The following MRPS30 variants were observed in gnomAD, a reference collection of about 807,000 sequenced individuals.
MRPS30 encodes the protein mitochondrial ribosomal protein S30.
A neutral mutation model predicts 43.8 loss-of-function variants in MRPS30; 42 were observed. That is an observed-to-expected ratio of 0.96 (90% CI 0.75 to 1.24). The LOEUF is 1.24. MRPS30 is among the 50% of genes most tolerant of loss of function. The pLI, the probability that MRPS30 is intolerant of heterozygous loss-of-function variation, is 0.00. For missense variants in MRPS30, 638 were observed against 570.0 expected, an observed-to-expected ratio of 1.12 and a Z score of -1.22; for synonymous variants, 273 against 228.2, an observed-to-expected ratio of 1.20 and a Z score of -1.77.
In MRPS30 at chr5:44,815,095, A is replaced by G. The variant is rs770785937; in HGVS notation, c.1213A>G (p.Ile405Val). 10 of 1,612,786 alleles carry G rather than the reference A, an allele frequency of 6.2e-6. No homozygotes were observed. The highest frequency in any genetic ancestry group is 2.7e-5 in the African/African-American group (2 of 75,066). Reference protein sequence around the residue: ...GTQSKPLYETIEDNDVKGFND... With the variant: ...GTQSKPLYETVEDNDVKGFND... ...ACAAAGTAAGCCTCTTTATGAAACA[A>G]TTGAGGATAATGATGTGAAAGGTTT... Residue 405 changes from isoleucine to valine, a missense_variant, in exon 5 of 5, where the codon ATT becomes GTT. Ile to Val is a conservative substitution (Grantham distance 29). Coordinates refer to ENST00000507110, the MANE Select transcript of MRPS30 (RefSeq NM_016640.4).
rs1011641431 is a variant in MRPS30, at chr5:44,814,952, C to T, written c.1070C>T (p.Ser357Phe). 3.7e-6 allele frequency: 6 copies of T among 1,613,318 alleles called. No homozygotes were observed. In the African/African-American group the frequency reaches 8.0e-5, roughly 22 times the overall value. The change falls in exon 5 of 5, where the codon TCC (serine) becomes TTC (phenylalanine). Residue 357 changes from serine to phenylalanine, a missense_variant. Coordinates refer to ENST00000507110, the MANE Select transcript of MRPS30 (RefSeq NM_016640.4). ...SEADVTRPFVSQAVITDGKYF... is the reference protein window; with the variant it reads ...SEADVTRPFVFQAVITDGKYF... ...GCAGATGTTACTCGACCTTTTGTCT[C>T]CCAGGCTGTGATCACAGATGGAAAA...
Position 44,810,991 on chromosome 5 carries a change from T to G in MRPS30, c.602-18T>G. ...TTAGATGATCAGATGAAAAAAATTT[T>G]GAATATCTTTTTGATAGATTATAGA... On this transcript the variant is annotated intron_variant, in intron 1 of 4. Transcript: ENST00000507110. 1 of 1,608,366 alleles carries G rather than the reference T, an allele frequency of 6.2e-7. No homozygotes were observed. The highest frequency in any genetic ancestry group is 1.1e-5 in the South Asian group (1 of 90,408).
In MRPS30 at chr5:44,810,125, T is replaced by C. The variant is rs1297822644; in HGVS notation, c.601+562T>C. 6 of 126,774 alleles carry C rather than the reference T, an allele frequency of 4.7e-5. No individual in the cohort carries two copies. The Admixed American group carries it at 4.8e-4, about 10-fold the overall frequency. The allele number at this position is 126,774 out of a possible 1,614,324, so 7.9% of individuals were successfully genotyped here. A position where few individuals can be genotyped will look rare whatever the true frequency, so the allele number is the denominator to read the frequency against. ...ATACCTAACGTTTACTCAGTATTTATGTGCTAGGCCCTGGTTCTAAATTTT... is the reference window on the plus strand; with the variant it reads ...ATACCTAACGTTTACTCAGTATTTACGTGCTAGGCCCTGGTTCTAAATTTT... On this transcript the variant is annotated intron_variant, in intron 1 of 4. Coordinates refer to ENST00000507110, the MANE Select transcript of MRPS30 (RefSeq NM_016640.4).
Position 44,809,570 on chromosome 5 carries a change from CTTGGA to C in MRPS30, c.601+10_601+14del. 1 of 1,581,622 alleles carries C rather than the reference CTTGGA, an allele frequency of 6.3e-7. No individual in the cohort carries two copies. Among genetic ancestry groups the C allele is most frequent in the Non-Finnish European group, 8.6e-7 (1 of 1,165,058 alleles). ...CTGGCCGCTGCCGCCCTCGGTGAGC[CTTGGA>C]TTCCGCCCCAGGGCGGAAGGGAGAG... On this transcript the variant is annotated splice_region_variant and intron_variant, in intron 1 of 4. Coordinates refer to ENST00000507110, the MANE Select transcript of MRPS30 (RefSeq NM_016640.4).
intron 4 of MRPS30, among the ~76,000 whole-genome samples, chr5:44,814,033 G>T (rs1180971357): frequency 1.3e-5 from 2 of 152,120 alleles, no homozygotes; most frequent in South Asian, 2.1e-4. Flanking sequence ...ACACTTCCAG[G>T]CAAAAGGATC....
intron 3 of MRPS30, among the ~76,000 whole-genome samples, chr5:44,812,643 CTTA>C (rs1742861422): frequency 7.7e-6 from 1 of 130,550 alleles, no homozygotes; most frequent in Non-Finnish European, 1.7e-5. Context: ...AATGTTGCTA[CTTA>C]TTTTTTTTTT....
At position 44,809,492 on chromosome 5, in the gene MRPS30, T is replaced by G; in HGVS notation, c.530T>G (p.Leu177Arg). 1.2e-6 allele frequency: 2 copies of G among 1,613,862 alleles called. No homozygotes were observed. Among genetic ancestry groups the G allele is most frequent in the Non-Finnish European group, 1.7e-6 (2 of 1,179,948 alleles). Residue 177 changes from leucine to arginine, a missense_variant, in exon 1 of 5, where the codon CTG (leucine) becomes CGG (arginine). Coordinates refer to ENST00000507110, the MANE Select transcript of MRPS30 (RefSeq NM_016640.4). ...EESEVISLPF[L>R]DQLVSTLVGL... is the part of the protein sequence containing the mutation. ...AGCGAGGTCATATCTTTGCCCTTCC[T>G]GGATCAGCTGGTGTCAACCCTCGTG...
Position 44,811,148 on chromosome 5 carries a change from C to T in MRPS30, c.741C>T (p.Leu247=), listed in dbSNP as rs1196864440. ...PNNQIRISKQ[L]AEFVPLDYSV... is the part of the protein sequence containing the mutation. ...ACCAGATTCGAATATCCAAGCAACT[C>T]GCAGAGGTAAGGATTTATTGCGATT... The change falls in exon 2 of 5, where the codon CTC becomes CTT. Residue 247 remains leucine (L), a synonymous_variant. Transcript: ENST00000507110. The T allele has an allele frequency of 1.2e-6, 2 of 1,613,790 alleles. No homozygotes were observed. The highest frequency in any genetic ancestry group is 1.7e-6 in the Non-Finnish European group (2 of 1,179,830).
intron 1 of MRPS30, chr5:44,810,120 A>T (rs1040498525): frequency 7.3e-6 from 1 of 137,442 alleles, no homozygotes; most frequent in Non-Finnish European, 1.6e-5. Flanking sequence ...TTTACTCAGT[A>T]TTTATGTGCT....
intron 1 of MRPS30, among the ~76,000 whole-genome samples, 195 bp from the exon 2 acceptor site, chr5:44,810,814 A>T (rs1742827987): frequency 6.6e-6 from 1 of 152,218 alleles, no homozygotes; most frequent in South Asian, 2.1e-4. Context: ...GTTCATTGTA[A>T]TGATGGCACA....
At chr5:44,813,433 C>A in intron 4 of MRPS30, 151 bp downstream of exon 4, 1 of 630,188 alleles carries the variant, frequency 1.6e-6, no homozygotes, top group Non-Finnish European at 2.5e-6. Context: ...GTTTTAAAAT[C>A]CTCGTTTAAA....
chr5:44,811,898 TTTTC>T lies in MRPS30; in HGVS notation c.748-13_748-10del. On this transcript the variant is annotated splice_polypyrimidine_tract_variant and intron_variant, in intron 2 of 4. Coordinates refer to ENST00000507110, the MANE Select transcript of MRPS30 (RefSeq NM_016640.4). ...AATGTTGCTGTGAATTTAGTATGTC[TTTTC>T]TTTTTCTTTAAGTTTGTGCCATTGG... is the stretch of plus-strand genomic sequence containing the variant. 3 of 1,436,014 alleles carry T rather than the reference TTTTC, an allele frequency of 2.1e-6. No homozygotes were observed. The highest frequency in any genetic ancestry group is 2.8e-6 in the Non-Finnish European group (3 of 1,058,244). The allele number at this position is 1,436,014 out of a possible 1,614,324, so 89.0% of individuals were successfully genotyped here. A position where few individuals can be genotyped will look rare whatever the true frequency, so the allele number is the denominator to read the frequency against.
At position 44,809,377 on chromosome 5, in the gene MRPS30, C is replaced by G. The variant is rs150879289; in HGVS notation, c.415C>G (p.Leu139Val). The G allele has an allele frequency of 9.9e-5, 160 of 1,608,178 alleles. No homozygotes were observed. In the African/African-American group the frequency reaches 2.0e-3, roughly 20 times the overall value. Residue 139 changes from leucine (L) to valine (V), a missense_variant, in exon 1 of 5, where the codon CTC (leucine) becomes GTC (valine). Leu to Val is a conservative substitution (Grantham distance 32). Coordinates refer to ENST00000507110, the MANE Select transcript of MRPS30 (RefSeq NM_016640.4). ...PEPEPEPALD[L>V]AALRAVACDC... ...ACCCGAACCTGAACCTGCGCTGGAC[C>G]TCGCGGCGCTGCGTGCGGTCGCCTG...
In MRPS30 at chr5:44,809,138, G is replaced by C; in HGVS notation, c.176G>C (p.Arg59Pro). The C allele has an allele frequency of 6.2e-7, 1 of 1,611,762 alleles. No homozygotes were observed. Among genetic ancestry groups the C allele is most frequent in the Admixed American group, 1.7e-5 (1 of 59,878 alleles). Reference sequence around the variant, plus strand: ...ATGACAGCCGACAGCAAAGCTGCACGGCTGCGGCGGATCGAGCGCTGGCAG... The same window carrying C: ...ATGACAGCCGACAGCAAAGCTGCACCGCTGCGGCGGATCGAGCGCTGGCAG... Reference protein sequence around the residue: ...ASMTADSKAARLRRIERWQAT... With the variant: ...ASMTADSKAAPLRRIERWQAT... Residue 59 changes from arginine (R) to proline (P), a missense_variant, in exon 1 of 5, where the codon CGG (arginine) becomes CCG (proline). Physicochemically the swap from Arg to Pro is moderately radical, Grantham distance 103. Coordinates refer to ENST00000507110, the MANE Select transcript of MRPS30 (RefSeq NM_016640.4).
At position 44,812,000 on chromosome 5, in the gene MRPS30, A is replaced by G; in HGVS notation, c.833A>G (p.Tyr278Cys). 1.3e-6 allele frequency: 2 copies of G among 1,595,106 alleles called. No individual in the cohort carries two copies. Among genetic ancestry groups the G allele is most frequent in the Non-Finnish European group, 1.7e-6 (2 of 1,167,184 alleles). ...AAACTTCCATTATTCAAACGGCAGTATGAAAACCACATATTTGTTGGTAAG... is the reference window on the plus strand; with the variant it reads ...AAACTTCCATTATTCAAACGGCAGTGTGAAAACCACATATTTGTTGGTAAG... ...PDKLPLFKRQ[Y>C]ENHIFVGSKT... The change falls in exon 3 of 5, where the codon TAT becomes TGT. Residue 278 changes from tyrosine to cysteine, a missense_variant. Physicochemically the swap from Tyr to Cys is radical, Grantham distance 194. Transcript: ENST00000507110.
In MRPS30 at chr5:44,815,419, T is replaced by C; in HGVS notation, c.*217T>C. The stretch of plus-strand genomic sequence containing the variant: ...TGATTTAAAAATAATTGCATTTGTA[T>C]ATTGCTAACTGATAAGACAAATTGA... On this transcript the variant is annotated 3_prime_UTR_variant, in exon 5 of 5. Transcript: ENST00000507110. 1 of 434,374 alleles carries C rather than the reference T, an allele frequency of 2.3e-6. No individual in the cohort carries two copies. Among genetic ancestry groups the C allele is most frequent in the Non-Finnish European group, 4.0e-6 (1 of 247,630 alleles). 26.9% of individuals were successfully genotyped at this position (434,374 alleles called of 1,614,324 possible).
chr5:44,811,080 C>T lies in MRPS30; in HGVS notation c.673C>T (p.Arg225Ter). ...EIIPRGHRRG[R>*]IDDLRYQIDD... ...TATTCCTCGTGGTCATCGAAGAGGT[C>T]GAATTGATGACTTGCGATACCAGAT... Residue 225 changes from arginine to a stop codon, truncating the protein, a stop_gained, in exon 2 of 5, where the codon CGA becomes TGA. Transcript: ENST00000507110. LOFTEE classifies it high-confidence loss of function. 8 of 1,613,914 alleles carry T rather than the reference C, an allele frequency of 5.0e-6. No homozygotes were observed. Among genetic ancestry groups the T allele is most frequent in the African/African-American group, 1.3e-5 (1 of 75,014 alleles).
chr5:44,811,192 C>T lies in MRPS30; in HGVS notation c.747+38C>T, dbSNP rs771044620. On this transcript the variant is annotated intron_variant, in intron 2 of 4. Transcript: ENST00000507110. ...TGCGATTATGTATCTATTGATATCT[C>T]GTGTAGGATTTGTCATAGGCAGGTT... The T allele has an allele frequency of 1.1e-5, 17 of 1,600,878 alleles. No individual in the cohort carries two copies. In the East Asian group the frequency reaches 3.1e-4, roughly 30 times the overall value.
At position 44,809,258 on chromosome 5, in the gene MRPS30, C is replaced by T; in HGVS notation, c.296C>T (p.Ala99Val). Residue 99 changes from alanine to valine, a missense_variant, in exon 1 of 5, where the codon GCG becomes GTG. By Grantham distance (64) the Ala-to-Val change is moderately conservative (BLOSUM62 0). Transcript: ENST00000507110. Reference sequence around the variant, plus strand: ...TACATGGTTTACCCGCAGACCTTCGCGCTGAATGCCGACCGCTGGTACCAG... The same window carrying T: ...TACATGGTTTACCCGCAGACCTTCGTGCTGAATGCCGACCGCTGGTACCAG... ...MKYMVYPQTFALNADRWYQYF... is the reference protein window; with the variant it reads ...MKYMVYPQTFVLNADRWYQYF... 1.9e-6 allele frequency: 3 copies of T among 1,613,584 alleles called. No individual in the cohort carries two copies. Among genetic ancestry groups the T allele is most frequent in the Non-Finnish European group, 2.5e-6 (3 of 1,179,872 alleles).
Sources: allele counts gnomAD v4.1 joint callset (sites outside exome capture counted in the v4.1 genomes callset), GRCh38; gene constraint gnomAD v4.1.1; transcripts MANE v1.5; gene names NCBI Gene and HGNC (gene_info 2026-07-23, HGNC 2026-07-21).